ZNF407: variants seen among roughly 807,000 people sequenced by gnomAD.
The protein encoded by ZNF407 is zinc finger protein 407.
Under a neutral mutation model 131.2 loss-of-function variants are expected in ZNF407, and 17 were observed. The observed-to-expected ratio is 0.13, with a 90% CI of 0.09 to 0.19. The LOEUF (loss-of-function observed/expected upper bound fraction) is 0.19, where lower values mean the gene tolerates loss of function less well. Among genes scored for constraint, ZNF407 ranks in the 10% least tolerant of loss-of-function variants. ZNF407 has a pLI of 1.00. For synonymous variants in ZNF407, 1,156 were observed against 1,062.0 expected (o/e 1.09, Z -1.72); for missense variants, 2,681 against 2,830.6 (o/e 0.95, Z 1.20).
chr18:75,012,142 A>G (rs1243869623), intron 8 of ZNF407, among the ~76,000 whole-genome samples: 1 of 152,132 alleles, frequency 6.6e-6, no homozygotes, highest in East Asian at 1.9e-4. Context: ...ACATTGTAGA[A>G]TGTATCGTCA....
At chr18:74,671,671 A>G (rs550091026) in intron 3 of ZNF407, among the ~76,000 whole-genome samples, 1 of 152,304 alleles carries the variant, frequency 6.6e-6, no homozygotes, top group South Asian at 2.1e-4. Flanking sequence ...AGCTCCATCC[A>G]TGTACCCACA....
rs147490741 is a variant in ZNF407 at position 74,922,837 on chromosome 18, C to T, written c.5428+2145C>T. Among the ~76,000 whole-genome samples the T allele has an allele frequency of 1.1e-4, 16 of 152,284 alleles. No individual in the cohort carries two copies. In the East Asian group the frequency reaches 2.9e-3, roughly 28 times the overall value. On this transcript the variant is annotated intron_variant, in intron 8 of 8. Transcript: ENST00000299687. ...CCTGCTGTGCAGCTGTAGGCATGAC[C>T]TTCGGGGAAGATGGGCTCCAACTTA...
At chr18:74,658,009 C>T (rs1277913187) in intron 3 of ZNF407, among the ~76,000 whole-genome samples, 1 of 151,784 alleles carries the variant, frequency 6.6e-6, no homozygotes, top group African/African-American at 2.4e-5. Flanking sequence ...CCTCTCCCTT[C>T]CTTTCCCTTC....
At position 74,633,469 on chromosome 18, in the gene ZNF407, C is replaced by T. The variant is rs779089813; in HGVS notation, c.2450C>T (p.Ala817Val). 21 of 1,613,708 alleles carry T rather than the reference C, an allele frequency of 1.3e-5. No individual in the cohort carries two copies. The Admixed American group carries it at 1.5e-4, about 12-fold the overall frequency. ...EHSYLEKGML[A>V]SEELSQSGGS... Reference sequence around the variant, plus strand: ...TCCTATCTTGAGAAGGGCATGCTGGCGTCTGAGGAACTGTCACAGTCTGGT... The same window carrying T: ...TCCTATCTTGAGAAGGGCATGCTGGTGTCTGAGGAACTGTCACAGTCTGGT... The change falls in exon 2 of 9, where the codon GCG (alanine) becomes GTG (valine). Residue 817 changes from alanine to valine, a missense_variant. By Grantham distance (64) the Ala-to-Val change is moderately conservative. Coordinates refer to ENST00000299687, the MANE Select transcript of ZNF407 (RefSeq NM_017757.3).
chr18:74,847,474 G>A (rs1653673472), intron 4 of ZNF407, among the ~76,000 whole-genome samples: 1 of 152,128 alleles, frequency 6.6e-6, no homozygotes, highest in African/African-American at 2.4e-5. Flanking sequence ...AGTTATAAGG[G>A]TCTAGGTTTT....
intron 4 of ZNF407, among the ~76,000 whole-genome samples, chr18:74,873,623 C>T (rs933047805): frequency 5.9e-5 from 9 of 152,124 alleles, no homozygotes; most frequent in South Asian, 4.1e-4. Context: ...GCAGGAGGAC[C>T]GCTTGCACCC....
chr18:74,683,320 AT>A (rs1308568962), intron 3 of ZNF407, among the ~76,000 whole-genome samples: 1 of 152,184 alleles, frequency 6.6e-6, no homozygotes, highest in African/African-American at 2.4e-5. Context: ...AATATCTTTT[AT>A]AGTTTATAGG....
intron 8 of ZNF407, among the ~76,000 whole-genome samples, chr18:75,024,131 A>G (rs1271541407): frequency 6.6e-6 from 1 of 152,240 alleles, no homozygotes; most frequent in East Asian, 1.9e-4. Context: ...GAGAAAAGCC[A>G]AAGAAGTTAG....
At chr18:74,689,768 A>T (rs1967177342) in intron 3 of ZNF407, among the ~76,000 whole-genome samples, 2 of 152,326 alleles carry the variant, frequency 1.3e-5, no homozygotes, top group Middle Eastern at 3.4e-3. Flanking sequence ...ATAAATCATT[A>T]TGTTGTTCTG....
At chr18:74,773,388 A>G (rs1969401492) in intron 3 of ZNF407, among the ~76,000 whole-genome samples, 1 of 140,472 alleles carries the variant, frequency 7.1e-6, no homozygotes, top group African/African-American at 3.1e-5. Context: ...TTAAAGAAGA[A>G]ATTGACAATA....
intron 6 of ZNF407, among the ~76,000 whole-genome samples, chr18:74,882,452 G>A (rs1971251562): frequency 1.3e-5 from 2 of 152,172 alleles, no homozygotes; most frequent in African/African-American, 4.8e-5. Context: ...CATAAAATGT[G>A]TGATTTATGT....
At chr18:74,820,095 G>A (rs1290743504) in intron 4 of ZNF407, among the ~76,000 whole-genome samples, 1 of 152,226 alleles carries the variant, frequency 6.6e-6, no homozygotes, top group Non-Finnish European at 1.5e-5. Context: ...TTAACTTTGG[G>A]AAGAGTTTTG....
At chr18:74,886,571 T>C (rs1971313122) in intron 6 of ZNF407, among the ~76,000 whole-genome samples, 1 of 152,080 alleles carries the variant, frequency 6.6e-6, no homozygotes, top group Non-Finnish European at 1.5e-5. Flanking sequence ...GCAACGAAAA[T>C]AAGTGAAGTA....
At chr18:74,696,449 G>T (rs938389698) in intron 3 of ZNF407, among the ~76,000 whole-genome samples, 1 of 152,106 alleles carries the variant, frequency 6.6e-6, no homozygotes, top group Non-Finnish European at 1.5e-5. Flanking sequence ...TCTAAGTGTT[G>T]AAAATATTAC....
intron 4 of ZNF407, among the ~76,000 whole-genome samples, chr18:74,820,312 A>G (rs998833553): frequency 2.0e-5 from 3 of 152,256 alleles, no homozygotes; most frequent in Non-Finnish European, 4.4e-5. Flanking sequence ...TCTAGTAGCC[A>G]TTTGGGTTGG....
chr18:74,736,100 G>A (rs931924454), intron 3 of ZNF407, among the ~76,000 whole-genome samples: 1 of 152,142 alleles, frequency 6.6e-6, no homozygotes, highest in Admixed American at 6.5e-5. Context: ...TTATGACTTC[G>A]GGTGATGAAT....
intron 7 of ZNF407, among the ~76,000 whole-genome samples, chr18:74,896,683 G>A (rs1018749697): frequency 6.6e-6 from 1 of 152,196 alleles, no homozygotes. Flanking sequence ...CTTGTGTCAT[G>A]ATGACACTTT....
At chr18:74,953,307 C>T (rs369418571) in intron 8 of ZNF407, among the ~76,000 whole-genome samples, 7 of 152,144 alleles carry the variant, frequency 4.6e-5, no homozygotes, top group South Asian at 2.1e-4. Context: ...CTTGGCATGC[C>T]GCCTTCTGTG....
At chr18:74,698,763 A>G (rs761516089) in intron 3 of ZNF407, among the ~76,000 whole-genome samples, 32 of 152,154 alleles carry the variant, frequency 2.1e-4, no homozygotes, top group African/African-American at 7.7e-4. Context: ...AACATGCCCA[A>G]AGTTTCTTGA....
Sources: allele counts gnomAD v4.1 joint callset (sites outside exome capture counted in the v4.1 genomes callset), GRCh38; gene constraint gnomAD v4.1.1; transcripts MANE v1.5; gene names NCBI Gene and HGNC (gene_info 2026-07-23, HGNC 2026-07-21).